Variants in TSPAN5 observed in about 807,000 individuals in gnomAD.
TSPAN5 encodes tetraspanin 5.
TSPAN5 carries 10 observed loss-of-function variants against 37.1 expected under a neutral mutation model. That is an observed-to-expected ratio of 0.27 (90% CI 0.17 to 0.46). TSPAN5 has a LOEUF of 0.46. Among genes scored for constraint, TSPAN5 ranks in the 20% least tolerant of loss-of-function variants. TSPAN5 has a pLI of 1.00. For missense variants in TSPAN5, 195 were observed against 326.6 expected, an observed-to-expected ratio of 0.60 and a Z score of 3.11; for synonymous variants, 110 against 118.9, an observed-to-expected ratio of 0.93 and a Z score of 0.48.
chr4:98,554,232 G>C (rs960450743), intron 1 of TSPAN5, among the ~76,000 whole-genome samples: 2 of 152,024 alleles, frequency 1.3e-5, no homozygotes, highest in Non-Finnish European at 2.9e-5. Context: ...ATTATAAAAA[G>C]AAACATGTTC....
intron 7 of TSPAN5, among the ~76,000 whole-genome samples, chr4:98,473,475 C>T (rs1470828474): frequency 7.3e-6 from 1 of 137,810 alleles, no homozygotes; most frequent in East Asian, 2.1e-4. Context: ...TTTTTTGAGA[C>T]GGAGTCTCGC....
At chr4:98,611,080 A>T (rs138096894) in intron 1 of TSPAN5, among the ~76,000 whole-genome samples, 2 of 152,252 alleles carry the variant, frequency 1.3e-5, no homozygotes, top group Non-Finnish European at 2.9e-5. Flanking sequence ...CCATCTGGAC[A>T]GCCAGGCATG....
chr4:98,644,082 T>C (rs1757013280), intron 1 of TSPAN5, among the ~76,000 whole-genome samples: 2 of 152,204 alleles, frequency 1.3e-5, no homozygotes, highest in African/African-American at 2.4e-5. Context: ...TTAAAAAGTA[T>C]AGAGTTTTTC....
At chr4:98,643,634 T>C (rs1757003235) in intron 1 of TSPAN5, among the ~76,000 whole-genome samples, 1 of 152,174 alleles carries the variant, frequency 6.6e-6, no homozygotes, top group South Asian at 2.1e-4. Context: ...TGTGCAATTG[T>C]TTCAAATCTT....
chr4:98,528,866 A>T (rs1754019508), intron 1 of TSPAN5, among the ~76,000 whole-genome samples: 1 of 152,186 alleles, frequency 6.6e-6, no homozygotes, highest in Non-Finnish European at 1.5e-5. Context: ...GAGGGTACTG[A>T]CTGCTCCCAT....
intron 1 of TSPAN5, among the ~76,000 whole-genome samples, chr4:98,618,967 T>A (rs1414371524): frequency 6.6e-6 from 1 of 152,140 alleles, no homozygotes; most frequent in African/African-American, 2.4e-5. Flanking sequence ...AATTTTTTTT[T>A]AAACTGGGGA....
intron 2 of TSPAN5, among the ~76,000 whole-genome samples, chr4:98,502,891 A>C (rs1315358155): frequency 6.6e-6 from 1 of 151,352 alleles, no homozygotes; most frequent in Admixed American, 6.6e-5. Context: ...ACAACAATCT[A>C]GTAGGCCTGT....
chr4:98,555,918 T>G (rs1053456737), intron 1 of TSPAN5, among the ~76,000 whole-genome samples: 3 of 152,212 alleles, frequency 2.0e-5, no homozygotes, highest in African/African-American at 7.2e-5. Flanking sequence ...GCAAAGCTAC[T>G]AATTCATTCT....
intron 2 of TSPAN5, among the ~76,000 whole-genome samples, chr4:98,504,915 G>C (rs1753439889): frequency 6.6e-6 from 1 of 152,112 alleles, no homozygotes; most frequent in Non-Finnish European, 1.5e-5. Flanking sequence ...TCTGGATGCT[G>C]GGAAGTCCAT....
chr4:98,477,668 T>C (rs1752735903), intron 5 of TSPAN5, among the ~76,000 whole-genome samples: 1 of 151,804 alleles, frequency 6.6e-6, no homozygotes, highest in Admixed American at 6.6e-5. Context: ...TTACCTTTTT[T>C]TTTTTTTTTT....
At chr4:98,479,776 G>A (rs1195402952) in intron 4 of TSPAN5, among the ~76,000 whole-genome samples, 4 of 152,146 alleles carry the variant, frequency 2.6e-5, no homozygotes, top group Non-Finnish European at 5.9e-5. Context: ...CTAATATCTT[G>A]CTAATCATAG....
chr4:98,518,677 G>A (rs1483761151), intron 1 of TSPAN5, among the ~76,000 whole-genome samples: 1 of 152,262 alleles, frequency 6.6e-6, no homozygotes, highest in South Asian at 2.1e-4. Context: ...GGAGCAGAGA[G>A]AGCCAGACAA....
chr4:98,499,573 A>G (rs1753294150), intron 2 of TSPAN5, among the ~76,000 whole-genome samples: 2 of 151,610 alleles, frequency 1.3e-5, no homozygotes. Flanking sequence ...CATATACTTC[A>G]TGTGTGTGTG....
At chr4:98,474,586 G>C (rs1198613257) in intron 7 of TSPAN5, among the ~76,000 whole-genome samples, 1 of 152,068 alleles carries the variant, frequency 6.6e-6, no homozygotes, top group African/African-American at 2.4e-5. Context: ...GAGCTCAAGT[G>C]ATCCACCTGA....
chr4:98,560,739 T>A (rs1253646393), intron 1 of TSPAN5, among the ~76,000 whole-genome samples: 1 of 152,204 alleles, frequency 6.6e-6, no homozygotes, highest in African/African-American at 2.4e-5. Flanking sequence ...CACAATAAAC[T>A]AAACTATATA....
intron 1 of TSPAN5, among the ~76,000 whole-genome samples, chr4:98,621,739 C>G (rs1330999703): frequency 6.6e-6 from 1 of 152,116 alleles, no homozygotes; most frequent in Non-Finnish European, 1.5e-5. Flanking sequence ...GCCAGCACCA[C>G]TATCTGATTG....
At chr4:98,532,039 C>T (rs536935724) in intron 1 of TSPAN5, among the ~76,000 whole-genome samples, 2 of 152,320 alleles carry the variant, frequency 1.3e-5, no homozygotes, top group East Asian at 3.9e-4. Context: ...GTTTCTTTCG[C>T]TGTGCAGAAG....
At chr4:98,532,861 T>G (rs1236999999) in intron 1 of TSPAN5, among the ~76,000 whole-genome samples, 1 of 152,236 alleles carries the variant, frequency 6.6e-6, no homozygotes, top group African/African-American at 2.4e-5. Context: ...TTGAGATATG[T>G]TCCATTGATA....
In TSPAN5 at chr4:98,472,073, A is replaced by T. The variant is rs936182693; in HGVS notation, c.*449T>A. The T allele has an allele frequency of 1.3e-5, 2 of 153,552 alleles. No individual in the cohort carries two copies. Among genetic ancestry groups the T allele is most frequent in the African/African-American group, 4.8e-5 (2 of 41,490 alleles). 9.5% of individuals were successfully genotyped at this position (153,552 alleles called of 1,614,324 possible). On this transcript the variant is annotated 3_prime_UTR_variant, in exon 8 of 8. Transcript: ENST00000305798. ...CCACAAACCACTGCCCTCCCAGGTG[A>T]GGGGCTGAGTCTTTGAGGAGATGCA... is the stretch of plus-strand genomic sequence containing the variant.
Sources: allele counts gnomAD v4.1 joint callset (sites outside exome capture counted in the v4.1 genomes callset), GRCh38; gene constraint gnomAD v4.1.1; transcripts MANE v1.5; gene names NCBI Gene and HGNC (gene_info 2026-07-23, HGNC 2026-07-21).